Variants in SLFN5 observed in about 807,000 individuals in gnomAD.
The protein encoded by SLFN5 is schlafen family member 5.
A neutral mutation model predicts 48.5 loss-of-function variants in SLFN5; 34 were observed. The ratio of observed to expected loss-of-function variants is 0.70; its 90% CI spans 0.53 to 0.93. The LOEUF is 0.93. Ranked by LOEUF, SLFN5 falls within the 40% of genes least tolerant of loss-of-function variation. The probability of loss-of-function intolerance (pLI) is 0.00; values close to 1 mark genes in which losing one functional copy is unlikely to be tolerated. For missense variants in SLFN5, 1,006 were observed against 1,071.3 expected (o/e 0.94, Z 0.85); for synonymous variants, 387 against 396.2 (o/e 0.98, Z 0.28).
chr17:35,248,917 G>T (rs2142685718), intron 1 of SLFN5, among the ~76,000 whole-genome samples: 1 of 152,082 alleles, frequency 6.6e-6, no homozygotes, highest in South Asian at 2.1e-4. Context: ...CTCAGAAAGG[G>T]ACCCACAGTA....
At position 35,265,523 on chromosome 17, in the gene SLFN5, A is replaced by G; in HGVS notation, c.2311A>G (p.Ile771Val). 2 of 1,614,234 alleles carry G rather than the reference A, an allele frequency of 1.2e-6. No individual in the cohort carries two copies. The highest frequency in any genetic ancestry group is 1.7e-6 in the Non-Finnish European group (2 of 1,180,048). The change falls in exon 5 of 5, where the codon ATC becomes GTC. Residue 771 changes from isoleucine (I) to valine (V), a missense_variant. Coordinates refer to ENST00000299977, the MANE Select transcript of SLFN5 (RefSeq NM_144975.4). ...IEDLNLEEIL[I>V]YVANKCRFLL... Reference sequence around the variant, plus strand: ...AGACTTGAACTTGGAGGAGATACTGATCTATGTAGCGAATAAATGCCGTTT... The same window carrying G: ...AGACTTGAACTTGGAGGAGATACTGGTCTATGTAGCGAATAAATGCCGTTT...
intron 3 of SLFN5, among the ~76,000 whole-genome samples, chr17:35,262,596 C>T (rs1904552663): frequency 6.6e-6 from 1 of 152,106 alleles, no homozygotes; most frequent in Admixed American, 6.5e-5. Context: ...GGTGAGGTGG[C>T]TCACACCTGT....
intron 1 of SLFN5, among the ~76,000 whole-genome samples, chr17:35,251,380 C>T (rs2092441938): frequency 6.6e-6 from 1 of 152,214 alleles, no homozygotes; most frequent in Non-Finnish European, 1.5e-5. Context: ...GCAACACAAA[C>T]ATTACTAATT....
In SLFN5 at chr17:35,266,188, A is replaced by G. The variant is rs12150001; in HGVS notation, c.*300A>G. The G allele has an allele frequency of 0.15, 20,594 of 140,388 alleles. 1,247 individuals are homozygous for G. The highest frequency in any genetic ancestry group is 0.18 in the Admixed American group (2,237 of 12,764). 8.7% of individuals were successfully genotyped at this position (140,388 alleles called of 1,614,324 possible). A position where few individuals can be genotyped will look rare whatever the true frequency, so the allele number is the denominator to read the frequency against. On this transcript the variant is annotated 3_prime_UTR_variant, in exon 5 of 5. Coordinates refer to ENST00000299977, the MANE Select transcript of SLFN5 (RefSeq NM_144975.4). ...TGTGTGTGTGTGTGTGCGCGCGCGC[A>G]CGTGCACATGTGTGTAGGTAGATGG...
intron 2 of SLFN5, chr17:35,259,904 T>C (rs1328485115): frequency 4.8e-6 from 3 of 629,988 alleles, no homozygotes; most frequent in Non-Finnish European, 7.9e-6. Context: ...TTAAATAGTC[T>C]TCATTCAACA....
Position 35,273,377 on chromosome 17 carries a change from C to T in SLFN5, c.*7489C>T, listed in dbSNP as rs1904882987. On this transcript the variant is annotated 3_prime_UTR_variant, in exon 5 of 5. Transcript: ENST00000299977. ...CTTTTTATGACTTTTGGATTCTGTA[C>T]CACGTAATAATTTTGATGTAAATTT... 6.6e-6 allele frequency: 1 copy of T among 152,082 alleles called. No homozygotes were observed. The highest frequency in any genetic ancestry group is 6.6e-5 in the Admixed American group (1 of 15,266). The allele number at this position is 152,082 out of a possible 1,614,324, so 9.4% of individuals were successfully genotyped here.
At chr17:35,263,481 A>G (rs1904579131) in intron 3 of SLFN5, among the ~76,000 whole-genome samples, 1 of 152,138 alleles carries the variant, frequency 6.6e-6, no homozygotes. Flanking sequence ...TCTTTTGACC[A>G]TGTCTCTATT....
chr17:35,259,217 T>C lies in SLFN5; in HGVS notation c.527T>C (p.Phe176Ser), dbSNP rs770925097. Residue 176 changes from phenylalanine (F) to serine (S), a missense_variant, in exon 2 of 5, where the codon TTT (phenylalanine) becomes TCT (serine). Transcript: ENST00000299977. ...GNINVSAAAL[F>S]DRKRLQYLEK... ...ATAAATGTGTCAGCTGCTGCTTTAT[T>C]TGATAGAAAGCGGCTTCAGTATCTG... The C allele has an allele frequency of 1.2e-6, 2 of 1,614,018 alleles. No homozygotes were observed. Among genetic ancestry groups the C allele is most frequent in the African/African-American group, 1.3e-5 (1 of 74,932 alleles).
rs2671821 is a variant in SLFN5, at chr17:35,270,780, C to T, written c.*4892C>T. ...GCCAGTAGCAAATCCACCACCCTCC[C>T]TCCCCTACCCCAGGGTTGGTTGTCA... On this transcript the variant is annotated 3_prime_UTR_variant, in exon 5 of 5. Coordinates refer to ENST00000299977, the MANE Select transcript of SLFN5 (RefSeq NM_144975.4). 6.6e-6 allele frequency: 1 copy of T among 152,218 alleles called. No homozygotes were observed. The highest frequency in any genetic ancestry group is 1.5e-5 in the Non-Finnish European group (1 of 68,064). 9.4% of individuals were successfully genotyped at this position (152,218 alleles called of 1,614,324 possible).
intron 3 of SLFN5, among the ~76,000 whole-genome samples, chr17:35,263,388 C>T (rs1020912754): frequency 2.0e-5 from 3 of 152,076 alleles, no homozygotes; most frequent in Non-Finnish European, 4.4e-5. Flanking sequence ...GCCTCGGCCT[C>T]CCATGGTGCT....
Position 35,264,728 on chromosome 17 carries a change from G to A in SLFN5, c.1684G>A (p.Glu562Lys). The A allele has an allele frequency of 6.2e-7, 1 of 1,604,226 alleles. No individual in the cohort carries two copies. The highest frequency in any genetic ancestry group is 1.7e-5 in the Admixed American group (1 of 57,668). Reference protein sequence around the residue: ...VLNLLTNKQYELLSKNLRKTR... With the variant: ...VLNLLTNKQYKLLSKNLRKTR... ...GAACCTACTGACAAATAAACAGTAT[G>A]AGTTGCTTTCAAAGAACCTTCGCAA... The change falls in exon 4 of 5, where the codon GAG becomes AAG. Residue 562 changes from glutamate (E) to lysine (K), a missense_variant. Transcript: ENST00000299977.
Position 35,265,059 on chromosome 17 carries a change from C to CTTT in SLFN5, c.1860-12_1860-11insTTT. 3.1e-6 allele frequency: 5 copies of CTTT among 1,596,836 alleles called. No homozygotes were observed. Among genetic ancestry groups the CTTT allele is most frequent in the Non-Finnish European group, 4.3e-6 (5 of 1,171,832 alleles). The stretch of plus-strand genomic sequence containing the variant: ...TGTTTCATTGGGGAAAAACCTGACT[C>CTTT]TGTTTCTTACAGTTTCAGCAAGAAA... On this transcript the variant is annotated splice_polypyrimidine_tract_variant and intron_variant, in intron 4 of 4. Coordinates refer to ENST00000299977, the MANE Select transcript of SLFN5 (RefSeq NM_144975.4).
intron 1 of SLFN5, among the ~76,000 whole-genome samples, chr17:35,255,630 T>C (rs566329718): frequency 6.6e-6 from 1 of 152,322 alleles, no homozygotes; most frequent in African/African-American, 2.4e-5. Context: ...AAGCTTGTAC[T>C]TGTATAACAG....
Position 35,272,493 on chromosome 17 carries a change from A to C in SLFN5, c.*6605A>C, listed in dbSNP as rs1011231039. 2 of 152,194 alleles carry C rather than the reference A, an allele frequency of 1.3e-5. No individual in the cohort carries two copies. The highest frequency in any genetic ancestry group is 1.9e-4 in the East Asian group (1 of 5,200). The allele number at this position is 152,194 out of a possible 1,614,324, so 9.4% of individuals were successfully genotyped here. The stretch of plus-strand genomic sequence containing the variant: ...AAAAAATAATAATCTCAGCATGGGG[A>C]AGGTCTAAGTATGGCCCTCAATCAG... On this transcript the variant is annotated 3_prime_UTR_variant, in exon 5 of 5. Transcript: ENST00000299977.
At chr17:35,260,789 T>A (rs1188549096) in intron 2 of SLFN5, among the ~76,000 whole-genome samples, 182 bp from the exon 3 acceptor site, 1 of 152,228 alleles carries the variant, frequency 6.6e-6, no homozygotes, top group Non-Finnish European at 1.5e-5. Context: ...TGCTTTATGC[T>A]AGGTTATTTT....
intron 1 of SLFN5, among the ~76,000 whole-genome samples, chr17:35,247,356 T>C (rs2092433192): frequency 6.6e-6 from 1 of 152,224 alleles, no homozygotes; most frequent in Admixed American, 6.5e-5. Context: ...TCCCTCGTTA[T>C]AGTGAGCTCT....
At chr17:35,250,308 G>A (rs1284150761) in intron 1 of SLFN5, among the ~76,000 whole-genome samples, 1 of 152,092 alleles carries the variant, frequency 6.6e-6, no homozygotes, top group Non-Finnish European at 1.5e-5. Flanking sequence ...GGTATAACTG[G>A]ACAGTCATAC....
At chr17:35,249,805 T>G (rs2092438350) in intron 1 of SLFN5, among the ~76,000 whole-genome samples, 1 of 152,242 alleles carries the variant, frequency 6.6e-6, no homozygotes, top group African/African-American at 2.4e-5. Flanking sequence ...CTTTGCTTTC[T>G]CTATTATATT....
At position 35,244,489 on chromosome 17, in the gene SLFN5, G is replaced by A. The variant is rs112856200; in HGVS notation, c.-41+1346G>A. The stretch of plus-strand genomic sequence containing the variant: ...TGTCTGGCCTCGCCCTATGAGAAGG[G>A]GGCGGAGGCTGTGCCTGCCTTTGTG... On this transcript the variant is annotated intron_variant, in intron 1 of 4. Transcript: ENST00000299977. Among the ~76,000 whole-genome samples, 896 of 152,288 alleles carry A rather than the reference G, an allele frequency of 5.9e-3. 12 individuals are homozygous for A. The highest frequency in any genetic ancestry group is 0.02 in the African/African-American group (841 of 41,564).
Sources: gnomAD v4.1 joint callset for allele counts (sites outside exome capture counted in the v4.1 genomes callset) on GRCh38, gnomAD v4.1.1 for gene constraint, MANE v1.5 for transcripts, NCBI Gene and HGNC (gene_info 2026-07-23, HGNC 2026-07-21) for gene names.